The following IL1RAPL1 variants were observed in gnomAD, a reference collection of about 807,000 sequenced individuals.
The protein encoded by IL1RAPL1 is interleukin-1 receptor accessory protein-like 1.
A neutral mutation model predicts 48.4 loss-of-function variants in IL1RAPL1; 3 were observed. The ratio of observed to expected loss-of-function variants is 0.06; its 90% CI spans 0.03 to 0.16. The LOEUF (loss-of-function observed/expected upper bound fraction) is 0.16, where lower values mean the gene tolerates loss of function less well. Ranked by LOEUF, IL1RAPL1 falls within the 10% of genes least tolerant of loss-of-function variation. The pLI is 1.00. For synonymous variants in IL1RAPL1, 185 were observed against 187.7 expected, an observed-to-expected ratio of 0.99 and a Z score of 0.12; for missense variants, 349 against 530.6, an observed-to-expected ratio of 0.66 and a Z score of 3.36.
chrX:29,185,248 C>T (rs1378465596), intron 2 of IL1RAPL1, among the ~76,000 whole-genome samples: 1 of 112,363 alleles, frequency 8.9e-6, no homozygotes, highest in Non-Finnish European at 1.9e-5. Context: ...TGACTGGAAA[C>T]ATTCCTTAAC....
chrX:29,788,497 T>C (rs915337924), intron 6 of IL1RAPL1, among the ~76,000 whole-genome samples: 5 of 111,703 alleles, frequency 4.5e-5, no homozygotes, highest in African/African-American at 1.6e-4. Context: ...GTTGCCGTTT[T>C]CATATACATC....
At chrX:29,637,266 A>G (rs1217162243) in intron 5 of IL1RAPL1, among the ~76,000 whole-genome samples, 1 of 93,822 alleles carries the variant, frequency 1.1e-5, no homozygotes, top group Non-Finnish European at 2.1e-5. Flanking sequence ...TATATCTCTT[A>G]TGTTATATAT....
intron 2 of IL1RAPL1, among the ~76,000 whole-genome samples, chrX:28,902,547 C>G (rs1923105162): frequency 8.9e-6 from 1 of 112,118 alleles, no homozygotes; most frequent in Non-Finnish European, 1.9e-5. Context: ...TGGAGACTTT[C>G]TGGTAAATAA....
At chrX:29,773,476 C>CTTATAA in intron 6 of IL1RAPL1, among the ~76,000 whole-genome samples, 1 of 112,438 alleles carries the variant, frequency 8.9e-6, no homozygotes, top group South Asian at 3.7e-4. Context: ...GAGATTAAGG[C>CTTATAA]TTATAACTTA....
At chrX:29,551,137 A>G (rs1173858628) in intron 5 of IL1RAPL1, among the ~76,000 whole-genome samples, 1 of 112,277 alleles carries the variant, frequency 8.9e-6, no homozygotes, top group Non-Finnish European at 1.9e-5. Context: ...TGTAGCATGT[A>G]TCAGATTTGC....
At chrX:29,382,489 G>A (rs1284753271) in intron 3 of IL1RAPL1, among the ~76,000 whole-genome samples, 1 of 111,205 alleles carries the variant, frequency 9.0e-6, no homozygotes, top group Non-Finnish European at 1.9e-5. Flanking sequence ...TACGGCCAGG[G>A]ATCAGTGTTT....
chrX:29,613,249 C>G (rs1341534770), intron 5 of IL1RAPL1, among the ~76,000 whole-genome samples: 1 of 112,295 alleles, frequency 8.9e-6, no homozygotes, highest in African/African-American at 3.2e-5. Flanking sequence ...GTTATTTCAA[C>G]ATGTAATCAA....
chrX:28,762,775 C>T (rs190495385), intron 1 of IL1RAPL1, among the ~76,000 whole-genome samples: 15 of 84,916 alleles, frequency 1.8e-4, no homozygotes, highest in South Asian at 6.5e-4. Flanking sequence ...AAATCTAATA[C>T]GCACGCGCGC....
intron 2 of IL1RAPL1, among the ~76,000 whole-genome samples, chrX:29,103,209 C>A (rs1323865761): frequency 8.9e-6 from 1 of 111,823 alleles, no homozygotes; most frequent in African/African-American, 3.3e-5. Context: ...AAGCACATTA[C>A]CGAGCCCACG....
chrX:28,602,324 C>T (rs1245960541), intron 1 of IL1RAPL1, among the ~76,000 whole-genome samples: 1 of 111,822 alleles, frequency 8.9e-6, no homozygotes, highest in Non-Finnish European at 1.9e-5. Flanking sequence ...GCTCCAGGCT[C>T]AAAAATTGTT....
At chrX:29,070,708 C>T (rs886474723) in intron 2 of IL1RAPL1, among the ~76,000 whole-genome samples, 1 of 110,976 alleles carries the variant, frequency 9.0e-6, no homozygotes, top group African/African-American at 3.3e-5. Flanking sequence ...TAAAGATATG[C>T]AAAAACCACA....
chrX:29,891,957 G>GAGAT (rs1166187316), intron 6 of IL1RAPL1, among the ~76,000 whole-genome samples: 1 of 111,884 alleles, frequency 8.9e-6, no homozygotes, highest in Non-Finnish European at 1.9e-5. Flanking sequence ...CTAACACTGG[G>GAGAT]AGATAGTCTA....
At chrX:29,521,304 A>G (rs1477940003) in intron 5 of IL1RAPL1, among the ~76,000 whole-genome samples, 1 of 111,798 alleles carries the variant, frequency 8.9e-6, no homozygotes, top group East Asian at 2.8e-4. Flanking sequence ...GATCTGCCTA[A>G]TTACTCCTAG....
In IL1RAPL1 at chrX:29,045,970, TCTC is replaced by T. The variant is rs1259359225; in HGVS notation, c.83-236962_83-236960del. Among the ~76,000 whole-genome samples the T allele has an allele frequency of 5.5e-4, 35 of 63,612 alleles. 1 individual carries two copies. The South Asian group carries it at 0.043, about 79-fold the overall frequency. The allele number at this position is 63,612 out of a possible 115,157, so 55.2% of individuals were successfully genotyped here. Reference sequence around the variant, plus strand: ...TCCTCCTCCTCCTCCTCCTCCTTCTTCTCCTCCTTCTTCCTCCTCCTCCTCCTT... The same window carrying T: ...TCCTCCTCCTCCTCCTCCTCCTTCTTCTCCTTCTTCCTCCTCCTCCTCCTT... On this transcript the variant is annotated intron_variant, in intron 2 of 10. Coordinates refer to ENST00000378993, the MANE Select transcript of IL1RAPL1 (RefSeq NM_014271.4).
chrX:29,199,812 T>G (rs1238685871), intron 2 of IL1RAPL1, among the ~76,000 whole-genome samples: 1 of 111,704 alleles, frequency 9.0e-6, no homozygotes, highest in African/African-American at 3.3e-5. Flanking sequence ...TATTTTTTTC[T>G]AATACAGGCA....
chrX:29,591,401 C>T (rs1041754726), intron 5 of IL1RAPL1, among the ~76,000 whole-genome samples: 6 of 112,510 alleles, frequency 5.3e-5, no homozygotes, highest in East Asian at 2.8e-4. Context: ...ACAACCCTGA[C>T]GCTGTTTCCT....
chrX:29,718,782 C>A (rs759470473), intron 6 of IL1RAPL1, among the ~76,000 whole-genome samples: 1 of 109,439 alleles, frequency 9.1e-6, no homozygotes, highest in East Asian at 2.9e-4. Flanking sequence ...TGCAGGGAGT[C>A]CTTGAACAGG....
chrX:29,707,182 A>G (rs1927220568), intron 6 of IL1RAPL1, among the ~76,000 whole-genome samples: 1 of 111,921 alleles, frequency 8.9e-6, no homozygotes, highest in African/African-American at 3.3e-5. Flanking sequence ...AAGCATATGG[A>G]AAAATGCTCA....
chrX:29,723,560 T>C (rs1301351980), intron 6 of IL1RAPL1, among the ~76,000 whole-genome samples: 3 of 111,754 alleles, frequency 2.7e-5, no homozygotes, highest in Non-Finnish European at 5.7e-5. Context: ...CTGCATGTCT[T>C]TTTGTGAATG....
Sources: allele counts gnomAD v4.1 joint callset (sites outside exome capture counted in the v4.1 genomes callset), GRCh38; gene constraint gnomAD v4.1.1; transcripts MANE v1.5; gene names NCBI Gene and HGNC (gene_info 2026-07-23, HGNC 2026-07-21).